Variants in FHAD1 observed in about 807,000 individuals in gnomAD.
FHAD1 encodes forkhead associated phosphopeptide binding domain 1, also known as forkhead-associated domain-containing protein 1.
Under a neutral mutation model 191.3 loss-of-function variants are expected in FHAD1, and 146 were observed. The observed-to-expected ratio is 0.76, with a 90% CI of 0.67 to 0.88. The LOEUF is 0.88. Among genes scored for constraint, FHAD1 ranks in the 40% least tolerant of loss-of-function variants. The pLI, the probability that FHAD1 is intolerant of heterozygous loss-of-function variation, is 0.00. For synonymous variants in FHAD1, 616 were observed against 672.3 expected (o/e 0.92, Z 1.29); for missense variants, 1,635 against 1,785.8 (o/e 0.92, Z 1.52).
rs532885467 is a variant in FHAD1 at position 15,359,479 on chromosome 1, C to A, written c.2737-999C>A. ...GCTGGGATGGAAACGCCAAGGGGAG[C>A]CTTAGGAGGTTGTAGGCATGGGAAA... On this transcript the variant is annotated intron_variant, in intron 21 of 33. Transcript: ENST00000688493. 2.0e-5 allele frequency among the ~76,000 whole-genome samples: 3 copies of A among 151,938 alleles called. No homozygotes were observed. In the East Asian group the frequency reaches 5.8e-4, roughly 29 times the overall value.
At chr1:15,242,690 G>A (rs1452481707), upstream of FHAD1, among the ~76,000 whole-genome samples, 2 of 152,154 alleles carry the variant, frequency 1.3e-5, no homozygotes, top group African/African-American at 2.4e-5. Flanking sequence ...CAGATAATAT[G>A]AGACTAGTCA....
At chr1:15,319,872 A>C (rs948514341) in intron 10 of FHAD1, among the ~76,000 whole-genome samples, 2 of 152,234 alleles carry the variant, frequency 1.3e-5, no homozygotes, top group African/African-American at 4.8e-5. Context: ...TCTGTTAAAC[A>C]ACTGGCTTAA....
At chr1:15,367,805 T>G (rs1383484636) in intron 25 of FHAD1, among the ~76,000 whole-genome samples, 183 bp downstream of exon 25, 1 of 152,006 alleles carries the variant, frequency 6.6e-6, no homozygotes, top group Non-Finnish European at 1.5e-5. Flanking sequence ...AGATGACAGG[T>G]CTCTGCTTAA....
At position 15,251,890 on chromosome 1, in the gene FHAD1, C is replaced by T. The variant is rs1352296706; in HGVS notation, c.93+13C>T. 1.3e-6 allele frequency: 2 copies of T among 1,548,518 alleles called. No homozygotes were observed. The highest frequency in any genetic ancestry group is 1.7e-6 in the Non-Finnish European group (2 of 1,144,180). On this transcript the variant is annotated intron_variant, in intron 2 of 33. Transcript: ENST00000688493. ...CCTTGTTTTACAGGTAAGAAGTCTT[C>T]CCACCTGTTCCCGTCCCCTCCCTGA...
rs914706692 is a variant in FHAD1, at chr1:15,341,755, A to G, written c.1997A>G (p.Gln666Arg). ...QELQIKFNSS[Q>R]ETQQSLLQEK... Reference sequence around the variant, plus strand: ...TTTCAGATCAAGTTCAACAGTTCTCAGGAAACTCAGCAGTCTTTACTGCAG... The same window carrying G: ...TTTCAGATCAAGTTCAACAGTTCTCGGGAAACTCAGCAGTCTTTACTGCAG... Residue 666 changes from glutamine (Q) to arginine (R), a missense_variant, in exon 16 of 34, where the codon CAG (glutamine) becomes CGG (arginine). Gln to Arg is a conservative substitution (Grantham distance 43). Coordinates refer to ENST00000688493, the MANE Select transcript of FHAD1 (RefSeq NM_001391957.1). 5 of 1,550,984 alleles carry G rather than the reference A, an allele frequency of 3.2e-6. No individual in the cohort carries two copies. The highest frequency in any genetic ancestry group is 3.5e-6 in the Non-Finnish European group (4 of 1,146,536).
At chr1:15,330,858 T>A (rs968419683) in intron 14 of FHAD1, among the ~76,000 whole-genome samples, 3 of 152,014 alleles carry the variant, frequency 2.0e-5, no homozygotes, top group Admixed American at 6.6e-5. Flanking sequence ...TGGACAGGCT[T>A]GCATTCTGAG....
intron 3 of FHAD1, among the ~76,000 whole-genome samples, chr1:15,288,260 C>T (rs1663207549): frequency 6.6e-6 from 1 of 152,204 alleles, no homozygotes; most frequent in Admixed American, 6.5e-5. Flanking sequence ...TGATAGTGCT[C>T]ATCAGTGCCA....
rs563711991 is a variant in FHAD1, at chr1:15,338,508, C to A, written c.1907-973C>A. Among the ~76,000 whole-genome samples, 3 of 152,356 alleles carry A rather than the reference C, an allele frequency of 2.0e-5. No individual in the cohort carries two copies. In the South Asian group the frequency reaches 6.2e-4, roughly 32 times the overall value. On this transcript the variant is annotated intron_variant, in intron 14 of 33. Transcript: ENST00000688493. ...TCCACCCAGATAATCCAGGATAACA[C>A]CCCATCTCGAAATCCTTAACTTAAT... is the stretch of plus-strand genomic sequence containing the variant.
intron 4 of FHAD1, among the ~76,000 whole-genome samples, chr1:15,292,159 T>G (rs1177524330): frequency 6.6e-6 from 1 of 152,054 alleles, no homozygotes; most frequent in Non-Finnish European, 1.5e-5. Flanking sequence ...TTTTTTTCTT[T>G]CTTTTAGAAA....
At chr1:15,315,485 CTTTT>C (rs34261315) in intron 8 of FHAD1, among the ~76,000 whole-genome samples, 2 of 121,144 alleles carry the variant, frequency 1.7e-5, no homozygotes, top group African/African-American at 3.1e-5. Context: ...TGGGTGTTTC[CTTTT>C]TTTTTTTTTT....
In FHAD1 at chr1:15,293,442, A is replaced by G. The variant is rs377259072; in HGVS notation, c.569-3242A>G. ...GTCTTACAAGTTGTTCCTTGTGGCC[A>G]GGCGCGGTGGCTCATGCCTGTAATC... On this transcript the variant is annotated intron_variant, in intron 4 of 33. Transcript: ENST00000688493. Among the ~76,000 whole-genome samples the G allele has an allele frequency of 1.1e-4, 16 of 152,286 alleles. No homozygotes were observed. The South Asian group carries it at 1.4e-3, about 14-fold the overall frequency.
chr1:15,329,204 A>C lies in FHAD1; in HGVS notation c.1711-142A>C. 1.6e-6 allele frequency: 1 copy of C among 618,556 alleles called. No homozygotes were observed. The allele number at this position is 618,556 out of a possible 1,614,324, so 38.3% of individuals were successfully genotyped here. A position where few individuals can be genotyped will look rare whatever the true frequency, so the allele number is the denominator to read the frequency against. The stretch of plus-strand genomic sequence containing the variant: ...AAAACATAAAAATTTTAAAAAAGAA[A>C]AAAACTGAGTCCTCCCAAGGCGGCC... On this transcript the variant is annotated intron_variant, in intron 13 of 33. Coordinates refer to ENST00000688493, the MANE Select transcript of FHAD1 (RefSeq NM_001391957.1). This position sits in a 1 kb window ranked among gnomAD's most constrained non-coding sequence, Gnocchi z 5.0.
intron 22 of FHAD1, 44 bp from the exon 23 acceptor site, chr1:15,362,598 A>G (rs2102691539): frequency 6.8e-7 from 1 of 1,467,252 alleles, no homozygotes; most frequent in Non-Finnish European, 9.3e-7. Context: ...GCAAAGGGGA[A>G]GGACAGTTTC....
rs144989068 is a variant in FHAD1, at chr1:15,331,615, G to A, written c.1906+2074G>A. On this transcript the variant is annotated intron_variant, in intron 14 of 33. Transcript: ENST00000688493. ...AGAAGGGTGGGTGGGTCTGTGGGTG[G>A]ATGAATGGATGGATAGAAGACAGGA... Among the ~76,000 whole-genome samples the A allele has an allele frequency of 2.7e-5, 4 of 150,024 alleles. No homozygotes were observed. In the East Asian group the frequency reaches 5.9e-4, roughly 22 times the overall value.
chr1:15,243,811 G>A (rs1003204767), upstream of FHAD1, among the ~76,000 whole-genome samples: 2 of 152,242 alleles, frequency 1.3e-5, no homozygotes, highest in Admixed American at 1.3e-4. Flanking sequence ...AAGCAGTTGT[G>A]AGTAAGTGGC....
chr1:15,242,231 TAAAAA>T (rs36173259), upstream of FHAD1, among the ~76,000 whole-genome samples: 18 of 122,534 alleles, frequency 1.5e-4, no homozygotes, highest in African/African-American at 2.5e-4. Context: ...AGACTCCATC[TAAAAA>T]AAAAAAAAAA....
chr1:15,397,572 T>C lies in FHAD1; in HGVS notation c.*159T>C. On this transcript the variant is annotated 3_prime_UTR_variant, in exon 34 of 34. Transcript: ENST00000688493. ...CCAGTATTTTGAACAATATTATATT[T>C]TGGAGACTGTGGGGAGAAGGGTTCT... is the stretch of plus-strand genomic sequence containing the variant. The C allele has an allele frequency of 2.3e-6, 1 of 427,024 alleles. No homozygotes were observed. The highest frequency in any genetic ancestry group is 4.2e-6 in the Non-Finnish European group (1 of 238,326). The allele number at this position is 427,024 out of a possible 1,614,324, so 26.5% of individuals were successfully genotyped here. A position where few individuals can be genotyped will look rare whatever the true frequency, so the allele number is the denominator to read the frequency against.
At position 15,251,797 on chromosome 1, in the gene FHAD1, C is replaced by A. The variant is rs983356427; in HGVS notation, c.13C>A (p.Leu5Ile). The change falls in exon 2 of 34, where the codon CTA (leucine) becomes ATA (isoleucine). Residue 5 changes from leucine to isoleucine, a missense_variant. Transcript: ENST00000688493. ...GAAAACAGAGAGGATGAAGGCCTAT[C>A]TAAAGAGCGCAGAAGGCTTTTTTGT... MKAY[L>I]KSAEGFFVLN... is the part of the protein sequence containing the mutation. The A allele has an allele frequency of 6.4e-7, 1 of 1,551,838 alleles. No homozygotes were observed. Among genetic ancestry groups the A allele is most frequent in the Admixed American group, 2.0e-5 (1 of 50,958 alleles).
Position 15,369,397 on chromosome 1 carries a change from G to A in FHAD1, c.3342G>A (p.Gln1114=). The A allele has an allele frequency of 6.4e-7, 1 of 1,552,038 alleles. No individual in the cohort carries two copies. The highest frequency in any genetic ancestry group is 8.7e-7 in the Non-Finnish European group (1 of 1,147,064). Residue 1114 remains glutamine (Q), a synonymous_variant, in exon 26 of 34, where the codon CAG becomes CAA. Coordinates refer to ENST00000688493, the MANE Select transcript of FHAD1 (RefSeq NM_001391957.1). ...LRASQEKHRL[Q]LNTEKEQKPR... Reference sequence around the variant, plus strand: ...CTTCCCAAGAGAAACACAGACTCCAGCTGAACACAGAGAAGGAACAGAAGC... The same window carrying A: ...CTTCCCAAGAGAAACACAGACTCCAACTGAACACAGAGAAGGAACAGAAGC...
Sources: gnomAD v4.1 joint callset for allele counts (sites outside exome capture counted in the v4.1 genomes callset) on GRCh38, gnomAD v4.1.1 for gene constraint, Gnocchi (gnomAD v3.1) non-coding constraint, MANE v1.5 for transcripts, NCBI Gene and HGNC (gene_info 2026-07-23, HGNC 2026-07-21) for gene names.